PRELID2: variants seen among roughly 807,000 people sequenced by gnomAD.
PRELID2 encodes the protein PRELI domain containing 2, also known as PRELI domain-containing protein 2.
Under a neutral mutation model 28.4 loss-of-function variants are expected in PRELID2, and 25 were observed. The observed-to-expected ratio is 0.88, with a 90% confidence interval of 0.64 to 1.23. The LOEUF (loss-of-function observed/expected upper bound fraction) is 1.23, where lower values mean the gene tolerates loss of function less well. Ranked by LOEUF, PRELID2 falls within the 50% of genes most tolerant of loss-of-function variation. PRELID2 has a pLI of 0.00. For synonymous variants in PRELID2, 76 were observed against 71.6 expected, an observed-to-expected ratio of 1.06 and a Z score of -0.31; for missense variants, 201 against 214.4, an observed-to-expected ratio of 0.94 and a Z score of 0.39.
At chr5:145,670,790 G>T (rs1386985510) in intron 1 of PRELID2, among the ~76,000 whole-genome samples, 1 of 152,092 alleles carries the variant, frequency 6.6e-6, no homozygotes, top group Non-Finnish European at 1.5e-5. Flanking sequence ...ACTGATGCAT[G>T]GTGTAGCCTG....
chr5:145,799,598 G>A (rs1271491534), intron 4 of PRELID2, among the ~76,000 whole-genome samples: 6 of 152,188 alleles, frequency 3.9e-5, no homozygotes, highest in Non-Finnish European at 7.4e-5. Flanking sequence ...TGAAGGAAGA[G>A]AGATGTCTGA....
At chr5:145,240,791 T>C in the PRELID2 span, among the ~76,000 whole-genome samples, 1 of 152,070 alleles carries the variant, frequency 6.6e-6, no homozygotes, top group Non-Finnish European at 1.5e-5. Flanking sequence ...GTTATGATCT[T>C]ATAAGCTTAG....
At chr5:145,479,698 C>T (rs1191755886) in intron 1 of PRELID2, among the ~76,000 whole-genome samples, 3 of 152,204 alleles carry the variant, frequency 2.0e-5, no homozygotes, top group African/African-American at 7.2e-5. Context: ...CATAGTTCCC[C>T]AGAAACTCAG....
At chr5:145,582,541 C>T (rs1403989579) in intron 1 of PRELID2, among the ~76,000 whole-genome samples, 1 of 151,948 alleles carries the variant, frequency 6.6e-6, no homozygotes, top group Non-Finnish European at 1.5e-5. Flanking sequence ...GGACACAGAG[C>T]CAAATCAAAG....
the PRELID2 span, among the ~76,000 whole-genome samples, chr5:145,370,730 A>G: frequency 5.6e-4 from 85 of 152,212 alleles, no homozygotes; most frequent in African/African-American, 2.0e-3. Context: ...CATTTACATA[A>G]TATTGATTCT....
intron 1 of PRELID2, among the ~76,000 whole-genome samples, chr5:145,700,644 G>A (rs1755384317): frequency 2.0e-5 from 3 of 152,042 alleles, no homozygotes; most frequent in Non-Finnish European, 2.9e-5. Context: ...TGTCCTTGCT[G>A]CCCACCACAG....
chr5:145,623,512 G>A (rs1165363643), intron 1 of PRELID2, among the ~76,000 whole-genome samples: 1 of 151,878 alleles, frequency 6.6e-6, no homozygotes, highest in Non-Finnish European at 1.5e-5. Context: ...AAACAATGTA[G>A]TGGCATTGAC....
intron 1 of PRELID2, among the ~76,000 whole-genome samples, chr5:145,695,342 G>C (rs1385113832): frequency 6.6e-6 from 1 of 152,172 alleles, no homozygotes; most frequent in Non-Finnish European, 1.5e-5. Flanking sequence ...AAAAGAGCTT[G>C]GTGCATTCAA....
At chr5:145,547,188 A>G (rs918744272) in intron 1 of PRELID2, among the ~76,000 whole-genome samples, 5 of 152,192 alleles carry the variant, frequency 3.3e-5, no homozygotes, top group African/African-American at 1.2e-4. Context: ...GCTTGATTGG[A>G]GTCAAACTGG....
At chr5:145,644,571 T>C (rs1754165105) in intron 1 of PRELID2, among the ~76,000 whole-genome samples, 1 of 152,178 alleles carries the variant, frequency 6.6e-6, no homozygotes, top group Non-Finnish European at 1.5e-5. Flanking sequence ...TTGAATTTGT[T>C]TGCTCTTGCT....
At chr5:145,768,669 T>C (rs1757923260) in intron 5 of PRELID2, among the ~76,000 whole-genome samples, 1 of 152,102 alleles carries the variant, frequency 6.6e-6, no homozygotes, top group African/African-American at 2.4e-5. Flanking sequence ...CCCTAGGAGG[T>C]GAGGACCTGC....
Position 145,747,235 on chromosome 5 carries a change from C to T in PRELID2, n.70+17696G>A, listed in dbSNP as rs146187472. Among the ~76,000 whole-genome samples the T allele has an allele frequency of 1.6e-3, 237 of 148,762 alleles. 2 individuals carry two copies. Among genetic ancestry groups the T allele is most frequent in the African/African-American group, 5.3e-3 (213 of 40,434 alleles). ...TCAAAAACCCTCTAAAAAAAAAAAT[C>T]GATGACTCCAGGAGCTGTTTAAAAA... is the stretch of plus-strand genomic sequence containing the variant. On this transcript the variant is annotated intron_variant and non_coding_transcript_variant, in intron 1 of 2. Coordinates refer to the PRELID2 transcript ENST00000510259.
chr5:145,804,148 T>A (rs919484264), intron 4 of PRELID2, among the ~76,000 whole-genome samples: 4 of 152,090 alleles, frequency 2.6e-5, no homozygotes, highest in African/African-American at 9.7e-5. Flanking sequence ...AATGATAGAA[T>A]CTCAGAGGCT....
intron 1 of PRELID2, among the ~76,000 whole-genome samples, chr5:145,541,653 C>T (rs1397065241): frequency 6.6e-6 from 1 of 151,966 alleles, no homozygotes; most frequent in Non-Finnish European, 1.5e-5. Context: ...TGTAAATATG[C>T]ACAAGAAACT....
the PRELID2 span, among the ~76,000 whole-genome samples, chr5:145,404,611 C>T: frequency 2.6e-5 from 4 of 152,096 alleles, no homozygotes; most frequent in African/African-American, 7.2e-5. Flanking sequence ...CAGTCACTTG[C>T]ATATCTTTCA....
downstream of PRELID2, among the ~76,000 whole-genome samples, chr5:145,469,328 T>C (rs2126603112): frequency 6.6e-6 from 1 of 152,236 alleles, no homozygotes; most frequent in African/African-American, 2.4e-5. Context: ...AGCCATGTCT[T>C]TGCAGGTGCA....
At chr5:145,259,232 G>A in the PRELID2 span, among the ~76,000 whole-genome samples, 3 of 152,320 alleles carry the variant, frequency 2.0e-5, no homozygotes, top group East Asian at 3.9e-4. Context: ...CAGTGAAGAG[G>A]GGAAATATGG....
At chr5:145,340,542 C>A in the PRELID2 span, among the ~76,000 whole-genome samples, 1 of 151,946 alleles carries the variant, frequency 6.6e-6, no homozygotes, top group Non-Finnish European at 1.5e-5. Flanking sequence ...CTGTGGTGGG[C>A]AGATCACTTG....
the PRELID2 span, among the ~76,000 whole-genome samples, chr5:145,373,986 A>G: frequency 6.8e-6 from 1 of 146,104 alleles, no homozygotes. Flanking sequence ...TTATATTAAT[A>G]AAGTTAGTAT....
Sources: allele counts gnomAD v4.1 joint callset (sites outside exome capture counted in the v4.1 genomes callset), GRCh38; gene constraint gnomAD v4.1.1; transcripts MANE v1.5; gene names NCBI Gene and HGNC (gene_info 2026-07-23, HGNC 2026-07-21).